Variants in C11orf97 observed in about 807,000 individuals in gnomAD.
C11orf97 encodes the protein uncharacterized protein C11orf97.
Under a neutral mutation model 16.2 loss-of-function variants are expected in C11orf97, and 15 were observed. That is an observed-to-expected ratio of 0.93 (90% CI 0.62 to 1.43). C11orf97 has a LOEUF of 1.43. Ranked by LOEUF, C11orf97 falls within the 40% of genes most tolerant of loss-of-function variation. The pLI is 0.00. For missense variants in C11orf97, 171 were observed against 161.2 expected (o/e 1.06, Z -0.33); for synonymous variants, 61 against 65.7 (o/e 0.93, Z 0.34).
chr11:94,521,690 T>C (rs1468893381), intron 2 of C11orf97, among the ~76,000 whole-genome samples: 1 of 152,242 alleles, frequency 6.6e-6, no homozygotes, highest in Non-Finnish European at 1.5e-5. Context: ...CTCACAAAGC[T>C]GTATGATATT....
At chr11:94,522,326 G>A (rs967175408) in intron 2 of C11orf97, among the ~76,000 whole-genome samples, 15 of 152,140 alleles carry the variant, frequency 9.9e-5, no homozygotes, top group Non-Finnish European at 8.8e-5. Context: ...ACGAGGTCAG[G>A]AGATCGAGAC....
intron 2 of C11orf97, among the ~76,000 whole-genome samples, chr11:94,527,241 A>G (rs1258999224): frequency 6.6e-6 from 1 of 152,210 alleles, no homozygotes; most frequent in Non-Finnish European, 1.5e-5. Context: ...GAGGGATCAA[A>G]TATCAGTGAG....
intron 1 of C11orf97, among the ~76,000 whole-genome samples, 199 bp from the exon 2 acceptor site, chr11:94,517,384 A>G (rs1019614441): frequency 8.5e-5 from 13 of 152,256 alleles, no homozygotes; most frequent in Non-Finnish European, 1.6e-4. Context: ...CAGGAATTAC[A>G]TGAAAACGTG....
chr11:94,527,526 G>C (rs552036273), intron 2 of C11orf97, among the ~76,000 whole-genome samples: 1 of 152,284 alleles, frequency 6.6e-6, no homozygotes, highest in African/African-American at 2.4e-5. Context: ...ATTATCAATG[G>C]GCAAACATCA....
At position 94,527,993 on chromosome 11, in the gene C11orf97, TAAAA is replaced by T. The variant is rs1007226868; in HGVS notation, c.251-87_251-84del. On this transcript the variant is annotated intron_variant, in intron 2 of 3. Transcript: ENST00000542198. ...CCAAATAAACCCCCACCCAAATAAA[TAAAA>T]AAATCACCAATTAAATACTTTAAAA... The T allele has an allele frequency of 3.7e-5, 47 of 1,275,408 alleles. No individual in the cohort carries two copies. In the African/African-American group the frequency reaches 6.5e-4, roughly 18 times the overall value. The allele number at this position is 1,275,408 out of a possible 1,614,324, so 79.0% of individuals were successfully genotyped here.
At chr11:94,526,289 A>G (rs901346099) in intron 2 of C11orf97, among the ~76,000 whole-genome samples, 1 of 152,160 alleles carries the variant, frequency 6.6e-6, no homozygotes, top group African/African-American at 2.4e-5. Context: ...ATCACTTCAC[A>G]TGTATGGAGG....
intron 1 of C11orf97, among the ~76,000 whole-genome samples, chr11:94,514,361 C>T (rs538086655): frequency 5.9e-5 from 9 of 152,192 alleles, no homozygotes; most frequent in Non-Finnish European, 1.0e-4. Flanking sequence ...CTCAGCCTCC[C>T]TCAGAACCTC....
intron 1 of C11orf97, among the ~76,000 whole-genome samples, chr11:94,517,045 T>C (rs986708614): frequency 1.3e-5 from 2 of 152,240 alleles, no homozygotes; most frequent in Non-Finnish European, 2.9e-5. Context: ...GTAGTAGTCA[T>C]GTCCTATAGG....
intron 3 of C11orf97, among the ~76,000 whole-genome samples, chr11:94,528,828 A>G (rs1234784252): frequency 6.6e-6 from 1 of 152,228 alleles, no homozygotes; most frequent in Non-Finnish European, 1.5e-5. Context: ...ATCTAGGGAC[A>G]TGCAGCTGTG....
chr11:94,523,736 G>A lies in C11orf97; in HGVS notation c.251-4348G>A, dbSNP rs914321885. On this transcript the variant is annotated intron_variant, in intron 2 of 3. Transcript: ENST00000542198. ...AACATTATATTTCTTTTGGGATACC[G>A]TTGGTTGCATAGCTAGCGGGACACA... 4.6e-5 allele frequency among the ~76,000 whole-genome samples: 7 copies of A among 152,316 alleles called. 1 individual carries two copies. Among genetic ancestry groups the A allele is most frequent in the African/African-American group, 9.6e-5 (4 of 41,554 alleles).
intron 2 of C11orf97, among the ~76,000 whole-genome samples, chr11:94,523,481 G>C (rs1012361304): frequency 6.6e-6 from 1 of 152,136 alleles, no homozygotes; most frequent in Non-Finnish European, 1.5e-5. Context: ...GCAATACTGG[G>C]CTATTTATTG....
chr11:94,529,945 A>T (rs1238969405), intron 3 of C11orf97, among the ~76,000 whole-genome samples: 1 of 152,206 alleles, frequency 6.6e-6, no homozygotes, highest in Non-Finnish European at 1.5e-5. Flanking sequence ...GGTTCCACTT[A>T]TTGTAGGTAA....
chr11:94,522,373 A>T (rs1947664252), intron 2 of C11orf97, among the ~76,000 whole-genome samples: 1 of 152,068 alleles, frequency 6.6e-6, no homozygotes, highest in South Asian at 2.1e-4. Context: ...GTCTCTACTA[A>T]ACATACAAAA....
intron 2 of C11orf97, among the ~76,000 whole-genome samples, chr11:94,525,743 T>C (rs1947696166): frequency 1.3e-5 from 2 of 152,192 alleles, no homozygotes; most frequent in Non-Finnish European, 2.9e-5. Flanking sequence ...GTACAGACGA[T>C]ATGGCTCTAA....
chr11:94,529,474 C>A (rs674376), intron 3 of C11orf97, among the ~76,000 whole-genome samples: 62,367 of 152,070 alleles, frequency 0.41, 12,916 homozygotes, highest in Non-Finnish European at 0.43. Context: ...CACCATTTAT[C>A]AGGAGCCAGG....
chr11:94,523,709 T>C (rs1947677471), intron 2 of C11orf97, among the ~76,000 whole-genome samples: 1 of 152,220 alleles, frequency 6.6e-6, no homozygotes, highest in Admixed American at 6.5e-5. Flanking sequence ...TTGAATAGAA[T>C]GAACATTATA....
At chr11:94,522,293 T>C (rs1947663243) in intron 2 of C11orf97, among the ~76,000 whole-genome samples, 1 of 152,124 alleles carries the variant, frequency 6.6e-6, no homozygotes, top group Non-Finnish European at 1.5e-5. Context: ...CCCAGCACTT[T>C]AGGAGGCTGA....
chr11:94,513,197 A>T (rs927293680), intron 1 of C11orf97, among the ~76,000 whole-genome samples: 2 of 152,168 alleles, frequency 1.3e-5, no homozygotes, highest in African/African-American at 2.4e-5. Context: ...GTCTACAATT[A>T]CCCAATCCTT....
At position 94,515,346 on chromosome 11, in the gene C11orf97, T is replaced by G. The variant is rs74579672; in HGVS notation, c.146-2237T>G. 6.7e-3 allele frequency among the ~76,000 whole-genome samples: 1,016 copies of G among 152,126 alleles called. 3 individuals carry two copies. Among genetic ancestry groups the G allele is most frequent in the Non-Finnish European group, 0.011 (764 of 68,010 alleles). ...AAATCCAAAAAACGTGGAATAATAA[T>G]TGTTTCAAAAGAAATTCTGGAATAA... On this transcript the variant is annotated intron_variant, in intron 1 of 3. Coordinates refer to ENST00000542198, the MANE Select transcript of C11orf97 (RefSeq NM_001190462.2).
Sources: gnomAD v4.1 joint callset for allele counts (sites outside exome capture counted in the v4.1 genomes callset) on GRCh38, gnomAD v4.1.1 for gene constraint, MANE v1.5 for transcripts, NCBI Gene and HGNC (gene_info 2026-07-23, HGNC 2026-07-21) for gene names.